Variants in SAFB observed in about 807,000 individuals in gnomAD.
SAFB encodes scaffold attachment factor B.
Under a neutral mutation model 101.6 loss-of-function variants are expected in SAFB, and 15 were observed. The observed-to-expected ratio is 0.15, with a 90% CI of 0.10 to 0.23. The LOEUF (loss-of-function observed/expected upper bound fraction) is 0.23. Ranked by LOEUF, SAFB falls within the 10% of genes least tolerant of loss-of-function variation. The pLI, the probability that SAFB is intolerant of heterozygous loss-of-function variation, is 1.00. For missense variants in SAFB, 930 were observed against 1,104.1 expected, an observed-to-expected ratio of 0.84 and a Z score of 2.23; for synonymous variants, 449 against 407.5, an observed-to-expected ratio of 1.10 and a Z score of -1.23.
At chr19:5,641,518 T>C (rs2145429062) in intron 2 of SAFB, 76 bp from the exon 3 acceptor site, 1 of 1,162,426 alleles carries the variant, frequency 8.6e-7, no homozygotes, top group South Asian at 1.3e-5. Flanking sequence ...TGACCACTTG[T>C]GTAGTGCTCA....
At chr19:5,658,212 G>A (rs1460136836) in intron 14 of SAFB, among the ~76,000 whole-genome samples, 1 of 151,916 alleles carries the variant, frequency 6.6e-6, no homozygotes, top group Non-Finnish European at 1.5e-5. Context: ...TGGCCAGGCT[G>A]GTTTCAAACT....
At chr19:5,640,142 C>A (rs1253976117) in intron 2 of SAFB, among the ~76,000 whole-genome samples, 19 of 151,566 alleles carry the variant, frequency 1.3e-4, no homozygotes, top group Admixed American at 1.2e-3. Context: ...CGTGAGCCAC[C>A]GCGCCTGGCT....
chr19:5,629,147 G>C (rs1319825362), intron 2 of SAFB, among the ~76,000 whole-genome samples: 2 of 152,102 alleles, frequency 1.3e-5, no homozygotes, highest in South Asian at 2.1e-4. Context: ...TTCACAGTCG[G>C]GACAGCCCAC....
At chr19:5,649,842 G>A (rs1028201736) in intron 7 of SAFB, 84 bp from the exon 8 acceptor site, 36 of 1,249,778 alleles carry the variant, frequency 2.9e-5, no homozygotes, top group Non-Finnish European at 3.9e-5. Context: ...GGGTAGGTAT[G>A]CAACCTCAGC....
chr19:5,655,599 C>T (rs557146967), intron 13 of SAFB, among the ~76,000 whole-genome samples: 3 of 152,184 alleles, frequency 2.0e-5, no homozygotes, highest in Admixed American at 6.5e-5. Flanking sequence ...ATCTTGGCAG[C>T]AGCCCCTCCT....
intron 2 of SAFB, among the ~76,000 whole-genome samples, chr19:5,628,662 T>C (rs2053421641): frequency 1.3e-5 from 2 of 152,180 alleles, no homozygotes; most frequent in African/African-American, 4.8e-5. Flanking sequence ...GGTGAAGTAC[T>C]GGGTTTAAAT....
intron 1 of SAFB, among the ~76,000 whole-genome samples, chr19:5,625,765 G>A (rs550087553): frequency 1.3e-5 from 2 of 152,262 alleles, no homozygotes; most frequent in Non-Finnish European, 2.9e-5. Context: ...TTCAATATCC[G>A]ATGAGGCACA....
At chr19:5,629,392 C>A (rs373134986) in intron 2 of SAFB, among the ~76,000 whole-genome samples, 2 of 152,126 alleles carry the variant, frequency 1.3e-5, no homozygotes, top group East Asian at 1.9e-4. Flanking sequence ...GAGTGTGCTT[C>A]TACACTCCAG....
At position 5,654,351 on chromosome 19, in the gene SAFB, C is replaced by T. The variant is rs1291933929; in HGVS notation, c.1667-17C>T. 7 of 1,604,912 alleles carry T rather than the reference C, an allele frequency of 4.4e-6. No homozygotes were observed. The highest frequency in any genetic ancestry group is 6.0e-6 in the Non-Finnish European group (7 of 1,171,842). On this transcript the variant is annotated splice_polypyrimidine_tract_variant and intron_variant, in intron 12 of 20. Coordinates refer to ENST00000588852, the MANE Select transcript of SAFB (RefSeq NM_001201338.2). ...ATTCTTGGTTTTCCACTTACACTTT[C>T]CCCGTCTTTTCTGTAGGAAGTCGAG...
chr19:5,630,244 ACTCTT>A (rs560350740), intron 2 of SAFB, among the ~76,000 whole-genome samples: 426 of 151,978 alleles, frequency 2.8e-3, no homozygotes, highest in Non-Finnish European at 4.8e-3. Context: ...CACAGATTAT[ACTCTT>A]CTGATAATTG....
At chr19:5,661,842 G>A (rs762291104) in intron 15 of SAFB, 34 bp downstream of exon 15, 10 of 1,420,412 alleles carry the variant, frequency 7.0e-6, no homozygotes, top group East Asian at 2.5e-5. Context: ...AGCACGTGGC[G>A]TTCAGAATCG....
rs758543978 is a variant in SAFB, at chr19:5,638,714, CTTTTT to C, written c.275-2862_275-2858del. On this transcript the variant is annotated intron_variant, in intron 2 of 20. Coordinates refer to ENST00000588852, the MANE Select transcript of SAFB (RefSeq NM_001201338.2). ...CTTTTTTTTTATACTTAATCTTAGT[CTTTTT>C]TTTTTTTTTTTTTTTTTAAAGACAG... Among the ~76,000 whole-genome samples, 713 of 116,352 alleles carry C rather than the reference CTTTTT, an allele frequency of 6.1e-3. 9 individuals carry two copies. The highest frequency in any genetic ancestry group is 7.0e-3 in the Non-Finnish European group (394 of 56,240). 76.3% of individuals were successfully genotyped at this position (116,352 alleles called of 152,430 possible). A position where few individuals can be genotyped will look rare whatever the true frequency, so the allele number is the denominator to read the frequency against.
intron 14 of SAFB, among the ~76,000 whole-genome samples, chr19:5,658,037 G>A (rs1169735066): frequency 1.3e-5 from 2 of 151,762 alleles, no homozygotes; most frequent in Non-Finnish European, 1.5e-5. Flanking sequence ...AGTCTGTGTC[G>A]CCCAGGGTGG....
intron 14 of SAFB, 166 bp from the exon 15 acceptor site, chr19:5,661,352 C>T (rs2054197551): frequency 8.0e-7 from 1 of 1,251,742 alleles, no homozygotes. Flanking sequence ...CTGGGCTGCT[C>T]CTGTGGGCCC....
intron 2 of SAFB, among the ~76,000 whole-genome samples, chr19:5,638,357 C>T (rs758130159): frequency 1.1e-4 from 17 of 152,166 alleles, no homozygotes; most frequent in Non-Finnish European, 2.9e-5. Context: ...CTGTCTCTGT[C>T]ACCCACACCA....
intron 4 of SAFB, among the ~76,000 whole-genome samples, chr19:5,643,429 T>C (rs552318977): frequency 6.6e-6 from 1 of 152,330 alleles, no homozygotes; most frequent in East Asian, 1.9e-4. Context: ...TAGCAGATTG[T>C]CATATTTGAA....
intron 9 of SAFB, among the ~76,000 whole-genome samples, chr19:5,652,588 C>T (rs958125818): frequency 3.4e-4 from 52 of 152,032 alleles, no homozygotes; most frequent in Admixed American, 1.3e-4. Flanking sequence ...CTGCTGGAGT[C>T]GAGAAAACCA....
chr19:5,661,064 C>T (rs1345922359), intron 14 of SAFB, among the ~76,000 whole-genome samples: 2 of 148,900 alleles, frequency 1.3e-5, no homozygotes, highest in East Asian at 2.0e-4. Flanking sequence ...ACTACAGGTG[C>T]GTGCGTGCCA....
Position 5,659,263 on chromosome 19 carries a change from C to T in SAFB, c.1862+1916C>T, listed in dbSNP as rs371954261. On this transcript the variant is annotated intron_variant, in intron 14 of 20. Transcript: ENST00000588852. Reference sequence around the variant, plus strand: ...GAGGTTGCAGTGAGCCAAGATTCCACCATTGCACTCCAGCCTGGGCAACAA... The same window carrying T: ...GAGGTTGCAGTGAGCCAAGATTCCATCATTGCACTCCAGCCTGGGCAACAA... Among the ~76,000 whole-genome samples the T allele has an allele frequency of 4.6e-5, 7 of 152,102 alleles. No individual in the cohort carries two copies. In the East Asian group the frequency reaches 1.2e-3, roughly 25 times the overall value.
Sources: allele counts gnomAD v4.1 joint callset (sites outside exome capture counted in the v4.1 genomes callset), GRCh38; gene constraint gnomAD v4.1.1; transcripts MANE v1.5; gene names NCBI Gene and HGNC (gene_info 2026-07-23, HGNC 2026-07-21).